Variants in MSH6 observed in about 807,000 individuals in gnomAD.
MSH6 encodes DNA mismatch repair protein Msh6.
A neutral mutation model predicts 119.1 loss-of-function variants in MSH6; 85 were observed. The ratio of observed to expected loss-of-function variants is 0.71; its 90% CI spans 0.60 to 0.85. MSH6 has a LOEUF of 0.85. Ranked by LOEUF, MSH6 falls within the 40% of genes least tolerant of loss-of-function variation. MSH6 has a pLI of 0.00. For missense variants in MSH6, 2,163 were observed against 1,655.3 expected (o/e 1.31, Z -5.32); for synonymous variants, 830 against 586.9 (o/e 1.41, Z -5.99).
At position 47,804,906 on chromosome 2, in the gene MSH6, A is replaced by G. The variant is rs1165718315; in HGVS notation, c.3439-4A>G. 1 of 1,611,648 alleles carries G rather than the reference A, an allele frequency of 6.2e-7. No homozygotes were observed. ...TAAAAGACCTTTTCCTCCCTCATTC[A>G]CAGGCTGGCTTATTAGCTGTAATGG... On this transcript the variant is annotated splice_polypyrimidine_tract_variant and splice_region_variant and intron_variant, in intron 5 of 9. Coordinates refer to ENST00000234420, the MANE Select transcript of MSH6 (RefSeq NM_000179.3).
rs587779294 is a variant in MSH6, at chr2:47,806,470, G to C, written c.3820G>C (p.Glu1274Gln). 1.2e-6 allele frequency: 2 copies of C among 1,614,084 alleles called. No homozygotes were observed. The highest frequency in any genetic ancestry group is 1.1e-5 in the South Asian group (1 of 91,084). ...LGHMACMVEN[E>Q]CEDPSQETIT... is the part of the protein sequence containing the mutation. The stretch of plus-strand genomic sequence containing the variant: ...TCTTAAGGCATGCATGGTAGAAAAT[G>C]AATGTGAAGACCCCAGCCAGGAGAC... Residue 1274 changes from glutamate (E) to glutamine (Q), a missense_variant, in exon 9 of 10, where the codon GAA (glutamate) becomes CAA (glutamine). Transcript: ENST00000234420.
rs1343978618 is a variant in MSH6 at position 47,799,416 on chromosome 2, A to G, written c.1433A>G (p.Tyr478Cys). 6.2e-6 allele frequency: 10 copies of G among 1,614,070 alleles called. No homozygotes were observed. Among genetic ancestry groups the G allele is most frequent in the African/African-American group, 1.3e-5 (1 of 74,920 alleles). ...RYSDSLVQKG[Y>C]KVARVEQTET... ...TCAGATTCCCTGGTGCAGAAGGGCT[A>G]TAAAGTAGCACGAGTGGAACAGACT... Residue 478 changes from tyrosine (Y) to cysteine (C), a missense_variant, in exon 4 of 10, where the codon TAT becomes TGT. Tyr to Cys is a radical substitution (Grantham distance 194). Transcript: ENST00000234420.
chr2:47,794,910 T>C (rs1668978097), intron 2 of MSH6, among the ~76,000 whole-genome samples: 1 of 152,100 alleles, frequency 6.6e-6, no homozygotes, highest in African/African-American at 2.4e-5. Flanking sequence ...TTCTCCTTCC[T>C]CAGCCTCCCG....
intron 9 of MSH6, 61 bp from the exon 10 acceptor site, chr2:47,806,718 G>C (rs1387253580): frequency 4.7e-5 from 73 of 1,568,248 alleles, no homozygotes; most frequent in Non-Finnish European, 6.1e-5. Flanking sequence ...AGTAAAAGGG[G>C]AAGGGATGAT....
chr2:47,796,361 T>C (rs956765765), intron 3 of MSH6, among the ~76,000 whole-genome samples: 2 of 152,024 alleles, frequency 1.3e-5, no homozygotes, highest in African/African-American at 4.8e-5. Flanking sequence ...GAGTAATATA[T>C]ATATGAGGGT....
chr2:47,805,674 A>G lies in MSH6; in HGVS notation c.3613A>G (p.Thr1205Ala), dbSNP rs1064797252. 1 of 1,613,570 alleles carries G rather than the reference A, an allele frequency of 6.2e-7. No homozygotes were observed. The highest frequency in any genetic ancestry group is 8.5e-7 in the Non-Finnish European group (1 of 1,179,518). Residue 1205 changes from threonine (T) to alanine (A), a missense_variant, in exon 7 of 10, where the codon ACA becomes GCA. Transcript: ENST00000234420. The stretch of plus-strand genomic sequence containing the variant: ...AACTGCCAGCATACTCATGCATGCA[A>G]CAGCACATTCTCTGGTGCTTGTGGA... ...SETASILMHA[T>A]AHSLVLVDEL...
chr2:47,788,246 CTTTTTTTTTTTTT>C lies in MSH6; in HGVS notation c.261-2667_261-2655del, dbSNP rs560110301. On this transcript the variant is annotated intron_variant, in intron 1 of 9. Transcript: ENST00000234420. Reference sequence around the variant, plus strand: ...ATTTCTTTTCTTTCATTCTTTCTTTCTTTTTTTTTTTTTTTTTTTTTTTTTTGAGATGGAGTCT... The same window carrying C: ...ATTTCTTTTCTTTCATTCTTTCTTTCTTTTTTTTTTTTTGAGATGGAGTCT... Among the ~76,000 whole-genome samples the C allele has an allele frequency of 1.6e-4, 14 of 90,052 alleles. 1 individual carries two copies. Among genetic ancestry groups the C allele is most frequent in the East Asian group, 1.2e-3 (4 of 3,468 alleles). 59.1% of individuals were successfully genotyped at this position (90,052 alleles called of 152,430 possible).
intron 5 of MSH6, among the ~76,000 whole-genome samples, chr2:47,804,542 A>T (rs1295788494): frequency 1.1e-5 from 1 of 87,638 alleles, no homozygotes; most frequent in Non-Finnish European, 2.1e-5. Context: ...GTGTAAAAAA[A>T]AAAAAAAAGG....
Position 47,800,710 on chromosome 2 carries a change from G to C in MSH6, c.2727G>C (p.Leu909Phe), listed in dbSNP as rs768356593. Reference sequence around the variant, plus strand: ...GTTTTCCTGATTTGACTGTAGAATTGAACCGATGGGATACAGCCTTTGACC... The same window carrying C: ...GTTTTCCTGATTTGACTGTAGAATTCAACCGATGGGATACAGCCTTTGACC... ...EGRFPDLTVE[L>F]NRWDTAFDHE... Residue 909 changes from leucine (L) to phenylalanine (F), a missense_variant, in exon 4 of 10, where the codon TTG becomes TTC. Transcript: ENST00000234420. 6.2e-7 allele frequency: 1 copy of C among 1,614,090 alleles called. No individual in the cohort carries two copies.
chr2:47,806,918 C>G lies in MSH6; in HGVS notation c.*58C>G, dbSNP rs1394797552. 1.4e-5 allele frequency: 17 copies of G among 1,224,516 alleles called. No homozygotes were observed. The highest frequency in any genetic ancestry group is 2.5e-5 in the South Asian group (2 of 81,204). 75.9% of individuals were successfully genotyped at this position (1,224,516 alleles called of 1,614,324 possible). A position where few individuals can be genotyped will look rare whatever the true frequency, so the allele number is the denominator to read the frequency against. On this transcript the variant is annotated 3_prime_UTR_variant, in exon 10 of 10. Coordinates refer to ENST00000234420, the MANE Select transcript of MSH6 (RefSeq NM_000179.3). ...TGACAAAGGTGGTAAATTCAGACAA[C>G]ATTATGATCTAATAAACTTTATTTT... is the stretch of plus-strand genomic sequence containing the variant.
rs587781609 is a variant in MSH6 at position 47,803,608 on chromosome 2, G to A, written c.3361G>A (p.Glu1121Lys). 6 of 1,614,180 alleles carry A rather than the reference G, an allele frequency of 3.7e-6. No homozygotes were observed. The highest frequency in any genetic ancestry group is 4.2e-6 in the Non-Finnish European group (5 of 1,180,024). ...NDILIGCEEE[E>K]QENGKAYCVL... is the part of the protein sequence containing the mutation. Reference sequence around the variant, plus strand: ...CATTCTAATAGGCTGTGAGGAAGAGGAGCAGGAAAATGGCAAAGCCTATTG... The same window carrying A: ...CATTCTAATAGGCTGTGAGGAAGAGAAGCAGGAAAATGGCAAAGCCTATTG... Residue 1121 changes from glutamate (E) to lysine (K), a missense_variant, in exon 5 of 10, where the codon GAG becomes AAG. Coordinates refer to ENST00000234420, the MANE Select transcript of MSH6 (RefSeq NM_000179.3).
At chr2:47,796,931 T>C (rs1353619212) in intron 3 of MSH6, among the ~76,000 whole-genome samples, 1 of 152,088 alleles carries the variant, frequency 6.6e-6, no homozygotes, top group African/African-American at 2.4e-5. Context: ...TGAGCCAAGA[T>C]CGCACCACTG....
downstream of MSH6, chr2:47,807,972 G>A (rs1023210725): frequency 4.2e-6 from 3 of 714,608 alleles, no homozygotes; most frequent in Admixed American, 7.8e-5. Context: ...TTGGTAGCTT[G>A]AGCTTCATAG....
chr2:47,791,748 G>A (rs1412744773), intron 2 of MSH6, among the ~76,000 whole-genome samples: 2 of 145,092 alleles, frequency 1.4e-5, no homozygotes, highest in African/African-American at 5.1e-5. Flanking sequence ...GCGCAATCTC[G>A]GCCCACTGCA....
At chr2:47,808,250 A>G, downstream of MSH6, 3 of 1,612,562 alleles carry the variant, frequency 1.9e-6, no homozygotes, top group Non-Finnish European at 2.5e-6. Flanking sequence ...AGAAAAACCT[A>G]AAGCAAAATG....
chr2:47,792,274 C>G (rs1200530347), intron 2 of MSH6, among the ~76,000 whole-genome samples: 1 of 152,126 alleles, frequency 6.6e-6, no homozygotes, highest in African/African-American at 2.4e-5. Context: ...AGTACGTTGT[C>G]GTACTCGGTG....
intron 2 of MSH6, among the ~76,000 whole-genome samples, chr2:47,794,404 T>C (rs1000848897): frequency 6.6e-6 from 1 of 151,950 alleles, no homozygotes; most frequent in African/African-American, 2.4e-5. Context: ...CCTTAGTAGC[T>C]GAGACTACAG....
chr2:47,798,534 A>G, intron 3 of MSH6, 77 bp from the exon 4 acceptor site: 2 of 1,515,770 alleles, frequency 1.3e-6, no homozygotes, highest in Non-Finnish European at 1.8e-6. Flanking sequence ...AAGTCAAAAA[A>G]TCATAAGTTG....
At chr2:47,789,738 T>TAC (rs1668612061) in intron 1 of MSH6, among the ~76,000 whole-genome samples, 1 of 152,222 alleles carries the variant, frequency 6.6e-6, no homozygotes, top group Non-Finnish European at 1.5e-5. Flanking sequence ...TCTTCCCCTG[T>TAC]ACTTTATCTC....
Sources: gnomAD v4.1 joint callset for allele counts (sites outside exome capture counted in the v4.1 genomes callset) on GRCh38, gnomAD v4.1.1 for gene constraint, MANE v1.5 for transcripts, NCBI Gene and HGNC (gene_info 2026-07-23, HGNC 2026-07-21) for gene names.